Variants in WFDC11 observed in about 807,000 individuals in gnomAD.
WFDC11 encodes WAP four-disulfide core domain 11.
WFDC11 carries 9 observed loss-of-function variants against 9.9 expected under a neutral mutation model. The observed-to-expected ratio is 0.91, with a 90% CI of 0.55 to 1.58. WFDC11 has a LOEUF of 1.58. Among genes scored for constraint, WFDC11 ranks in the 40% most tolerant of loss-of-function variants. WFDC11 has a pLI of 0.00. For missense variants in WFDC11, 106 were observed against 101.7 expected (o/e 1.04, Z -0.18); for synonymous variants, 32 against 33.3 (o/e 0.96, Z 0.13).
intron 2 of WFDC11, among the ~76,000 whole-genome samples, chr20:45,662,488 T>C (rs1340861564): frequency 1.3e-5 from 2 of 152,212 alleles, no homozygotes; most frequent in African/African-American, 4.8e-5. Flanking sequence ...GGCATCCCTG[T>C]CTTGTGCCAG....
chr20:45,668,522 T>C (rs1983232483), intron 1 of WFDC11, among the ~76,000 whole-genome samples: 2 of 152,162 alleles, frequency 1.3e-5, no homozygotes. Flanking sequence ...AGATGTCATT[T>C]TTTGCTCTTG....
rs951519218 is a variant in WFDC11, at chr20:45,661,046, G to A, written c.-52+6042C>T. The stretch of plus-strand genomic sequence containing the variant: ...ACAGTCCCACCAACAGTGTAAAAGT[G>A]TTCCTATTTCTCCACATCCTCTCCA... On this transcript the variant is annotated intron_variant, in intron 2 of 4. Transcript: ENST00000324384. Among the ~76,000 whole-genome samples the A allele has an allele frequency of 5.5e-3, 837 of 152,258 alleles. 6 individuals are homozygous for A. Among genetic ancestry groups the A allele is most frequent in the African/African-American group, 0.019 (803 of 41,562 alleles).
At position 45,670,161 on chromosome 20, in the gene WFDC11, A is replaced by AT. The variant is rs1414946393; in HGVS notation, c.-134+16dup. On this transcript the variant is annotated intron_variant, in intron 1 of 4. Transcript: ENST00000324384. ...AACAAGTACCAAAATTTAATCAGTAATTAAAAAAAAACTTACCAACCAGAA... is the reference window on the plus strand; with the variant it reads ...AACAAGTACCAAAATTTAATCAGTAATTTAAAAAAAAACTTACCAACCAGAA... The AT allele has an allele frequency of 6.9e-6, 1 of 144,152 alleles. No homozygotes were observed. The highest frequency in any genetic ancestry group is 2.2e-4 in the East Asian group (1 of 4,536). The allele number at this position is 144,152 out of a possible 1,614,324, so 8.9% of individuals were successfully genotyped here.
intron 2 of WFDC11, among the ~76,000 whole-genome samples, chr20:45,662,024 A>T (rs1600941412): frequency 6.6e-6 from 1 of 152,062 alleles, no homozygotes; most frequent in African/African-American, 2.4e-5. Flanking sequence ...GGCCATTTTC[A>T]TGATATTGAT....
chr20:45,656,555 G>A (rs1261590784), intron 2 of WFDC11, among the ~76,000 whole-genome samples: 2 of 152,134 alleles, frequency 1.3e-5, no homozygotes, highest in African/African-American at 2.4e-5. Flanking sequence ...AACACCAAAA[G>A]CAATGGCAAC....
intron 2 of WFDC11, among the ~76,000 whole-genome samples, chr20:45,661,965 G>A (rs2145621977): frequency 6.6e-6 from 1 of 152,294 alleles, no homozygotes; most frequent in East Asian, 1.9e-4. Flanking sequence ...AAAGTCATTG[G>A]TAGCTTGATG....
chr20:45,665,592 TG>T (rs1418853680), intron 2 of WFDC11, among the ~76,000 whole-genome samples: 2 of 152,232 alleles, frequency 1.3e-5, no homozygotes, highest in Non-Finnish European at 2.9e-5. Flanking sequence ...GACCTACAGA[TG>T]GGGTTTTGGT....
At chr20:45,668,347 G>A (rs773879727) in intron 1 of WFDC11, among the ~76,000 whole-genome samples, 63 of 152,132 alleles carry the variant, frequency 4.1e-4, no homozygotes, top group Non-Finnish European at 8.4e-4. Flanking sequence ...TGGGAGAGAA[G>A]CAAAGCCTGT....
At chr20:45,652,434 C>T (rs543518520) in intron 2 of WFDC11, among the ~76,000 whole-genome samples, 16 of 152,194 alleles carry the variant, frequency 1.1e-4, no homozygotes, top group Admixed American at 7.8e-4. Context: ...CCCAACTGTA[C>T]GTCACCATCA....
intron 1 of WFDC11, among the ~76,000 whole-genome samples, chr20:45,668,020 C>T (rs560428714): frequency 3.9e-5 from 6 of 152,298 alleles, no homozygotes; most frequent in South Asian, 2.1e-4. Context: ...ACTGAAGCAT[C>T]GAGGAGCTAA....
At chr20:45,658,797 G>T (rs375820557) in intron 2 of WFDC11, among the ~76,000 whole-genome samples, 1 of 151,898 alleles carries the variant, frequency 6.6e-6, no homozygotes, top group East Asian at 1.9e-4. Flanking sequence ...AGGTATACAC[G>T]TGCCATGGTG....
chr20:45,665,908 T>C (rs1358187999), intron 2 of WFDC11, among the ~76,000 whole-genome samples: 3 of 152,220 alleles, frequency 2.0e-5, no homozygotes, highest in Non-Finnish European at 4.4e-5. Context: ...AGTCTGTCTG[T>C]TCTCAGAGCT....
At chr20:45,649,521 T>C in intron 3 of WFDC11, 122 bp from the exon 4 acceptor site, 1 of 1,251,790 alleles carries the variant, frequency 8.0e-7, no homozygotes, top group Non-Finnish European at 1.1e-6. Flanking sequence ...AACCAAGATA[T>C]CTATTTGCCT....
intron 2 of WFDC11, among the ~76,000 whole-genome samples, chr20:45,657,757 T>C (rs940750080): frequency 2.0e-5 from 3 of 152,192 alleles, no homozygotes; most frequent in African/African-American, 4.8e-5. Context: ...CAGTATTAAA[T>C]ACATTACATG....
chr20:45,665,317 G>A (rs6073843), intron 2 of WFDC11, among the ~76,000 whole-genome samples: 29,677 of 152,020 alleles, frequency 0.2, 3,204 homozygotes, highest in East Asian at 0.32. Flanking sequence ...CCATTCATCT[G>A]ACTTTTTCTT....
chr20:45,667,765 T>A (rs558601748), intron 1 of WFDC11, among the ~76,000 whole-genome samples: 2 of 152,236 alleles, frequency 1.3e-5, no homozygotes, highest in African/African-American at 4.8e-5. Flanking sequence ...CAGTACTTTC[T>A]TCATAGGATT....
chr20:45,652,301 C>T (rs962587700), intron 2 of WFDC11, among the ~76,000 whole-genome samples: 6 of 152,196 alleles, frequency 3.9e-5, no homozygotes, highest in Non-Finnish European at 2.9e-5. Context: ...GCAGCCTCCA[C>T]TGCTGATACC....
rs748992628 is a variant in WFDC11 at position 45,649,304 on chromosome 20, A to G, written c.196T>C (p.Tyr66His). The change falls in exon 4 of 5, where the codon TAC (tyrosine) becomes CAC (histidine). Residue 66 changes from tyrosine to histidine, a missense_variant. Transcript: ENST00000324384. ...CCACAATAGGTCCAGCAGCATGTGT[A>G]ATTTTTGTCTTTACATCTAAAGGCT... is the stretch of plus-strand genomic sequence containing the variant. Reference protein sequence around the residue: ...SKAFRCKDKNYTCCWTYCGNI... With the variant: ...SKAFRCKDKNHTCCWTYCGNI... 21 of 1,614,014 alleles carry G rather than the reference A, an allele frequency of 1.3e-5. No individual in the cohort carries two copies. The highest frequency in any genetic ancestry group is 8.5e-7 in the Non-Finnish European group (1 of 1,180,038).
chr20:45,650,247 TAG>T (rs1555803261), intron 3 of WFDC11, among the ~76,000 whole-genome samples: 70 of 148,688 alleles, frequency 4.7e-4, no homozygotes, highest in Non-Finnish European at 7.6e-4. Context: ...TGTATATATA[TAG>T]AGAGAGAGAG....
Sources: allele counts gnomAD v4.1 joint callset (sites outside exome capture counted in the v4.1 genomes callset), GRCh38; gene constraint gnomAD v4.1.1; transcripts MANE v1.5; gene names NCBI Gene and HGNC (gene_info 2026-07-23, HGNC 2026-07-21).